The following SLC38A11 variants were observed in gnomAD, a reference collection of about 807,000 sequenced individuals.
SLC38A11 encodes putative sodium-coupled neutral amino acid transporter 11.
A neutral mutation model predicts 49.4 loss-of-function variants in SLC38A11; 51 were observed. That is an observed-to-expected ratio of 1.03 (90% CI 0.83 to 1.30). SLC38A11 has a LOEUF of 1.30. Among genes scored for constraint, SLC38A11 ranks in the 50% most tolerant of loss-of-function variants. The pLI is 0.00. For missense variants in SLC38A11, 574 were observed against 556.2 expected (o/e 1.03, Z -0.32); for synonymous variants, 203 against 192.9 (o/e 1.05, Z -0.43).
chr2:164,902,449 C>T (rs1248031079), intron 11 of SLC38A11, among the ~76,000 whole-genome samples: 1 of 152,090 alleles, frequency 6.6e-6, no homozygotes, highest in Non-Finnish European at 1.5e-5. Context: ...CAACTAAATG[C>T]AAGCTTTTCA....
chr2:164,930,461 A>C (rs541181428), intron 7 of SLC38A11, among the ~76,000 whole-genome samples: 2 of 152,040 alleles, frequency 1.3e-5, no homozygotes, highest in African/African-American at 2.4e-5. Context: ...CAAAAAAAAA[A>C]CTTCAGGCCA....
At chr2:164,899,556 G>A (rs1684522390) in intron 11 of SLC38A11, among the ~76,000 whole-genome samples, 1 of 151,946 alleles carries the variant, frequency 6.6e-6, no homozygotes, top group Admixed American at 6.6e-5. Flanking sequence ...TGCATTTTAG[G>A]TAATATGTTT....
intron 8 of SLC38A11, 51 bp from the exon 9 acceptor site, chr2:164,915,324 T>C: frequency 6.6e-7 from 1 of 1,513,260 alleles, no homozygotes; most frequent in Non-Finnish European, 8.9e-7. Flanking sequence ...AGGGTTTTCT[T>C]TTTTAGTTCT....
chr2:164,914,978 A>T, intron 9 of SLC38A11, 134 bp downstream of exon 9: 2 of 735,562 alleles, frequency 2.7e-6, no homozygotes, highest in Non-Finnish European at 4.0e-6. Context: ...GGGGGGCAGG[A>T]GGGTAGAGAG....
chr2:164,939,096 C>G (rs1687569472), intron 6 of SLC38A11, among the ~76,000 whole-genome samples: 1 of 152,044 alleles, frequency 6.6e-6, no homozygotes, highest in African/African-American at 2.4e-5. Flanking sequence ...ATTGTTACTT[C>G]TTAATTTTAA....
At chr2:164,954,991 G>C in intron 1 of SLC38A11, among the ~76,000 whole-genome samples, 1 of 151,498 alleles carries the variant, frequency 6.6e-6, no homozygotes. Flanking sequence ...GCTAAGTACA[G>C]GATCTGTTAG....
At chr2:164,940,950 A>G (rs898691476) in intron 5 of SLC38A11, among the ~76,000 whole-genome samples, 1 of 152,012 alleles carries the variant, frequency 6.6e-6, no homozygotes, top group African/African-American at 2.4e-5. Flanking sequence ...TATAATTTGA[A>G]CCAAATTATT....
chr2:164,938,614 A>C (rs1687536208), intron 6 of SLC38A11, among the ~76,000 whole-genome samples: 1 of 152,190 alleles, frequency 6.6e-6, no homozygotes, highest in African/African-American at 2.4e-5. Context: ...GATGACTATT[A>C]GGGATGGTCA....
chr2:164,951,295 A>C (rs1307103338), intron 3 of SLC38A11, among the ~76,000 whole-genome samples: 1 of 152,234 alleles, frequency 6.6e-6, no homozygotes, highest in African/African-American at 2.4e-5. Context: ...GGTGGAAATC[A>C]ATTATTTGTC....
intron 5 of SLC38A11, among the ~76,000 whole-genome samples, chr2:164,942,442 A>AC (rs1559125715): frequency 6.6e-6 from 1 of 151,454 alleles, no homozygotes; most frequent in African/African-American, 2.4e-5. Context: ...CAAAAAAAAA[A>AC]AAAAACAAAA....
At chr2:164,940,228 TTATATATATATATATA>T (rs5836006) in intron 5 of SLC38A11, among the ~76,000 whole-genome samples, 20 of 142,228 alleles carry the variant, frequency 1.4e-4, no homozygotes, top group African/African-American at 5.1e-4. Flanking sequence ...ATAGAAAATT[TTATATATATATATATA>T]TATATATATA....
intron 7 of SLC38A11, among the ~76,000 whole-genome samples, chr2:164,920,632 C>T (rs932936198): frequency 1.3e-5 from 2 of 152,000 alleles, no homozygotes; most frequent in East Asian, 1.9e-4. Flanking sequence ...GTAGAGGGAG[C>T]TCATGATGAG....
chr2:164,909,319 T>G (rs1685239193), intron 10 of SLC38A11, among the ~76,000 whole-genome samples: 1 of 152,106 alleles, frequency 6.6e-6, no homozygotes, highest in Admixed American at 6.6e-5. Flanking sequence ...TTTTCATGAC[T>G]ACTCAGATCA....
In SLC38A11 at chr2:164,945,620, C is replaced by A. The variant is rs762788789; in HGVS notation, c.337G>T (p.Val113Phe). The A allele has an allele frequency of 8.7e-6, 14 of 1,604,692 alleles. No individual in the cohort carries two copies. In the East Asian group the frequency reaches 9.0e-5, roughly 10 times the overall value. The change falls in exon 4 of 12, where the codon GTT becomes TTT. Residue 113 changes from valine to phenylalanine, a missense_variant. By Grantham distance (50) the Val-to-Phe change is conservative. Coordinates refer to ENST00000685975, the MANE Select transcript of SLC38A11 (RefSeq NM_001351537.2). ...ATAAAAGGATACAAAAACTGAAGAACAGAGAGGAGCAGATACCCTGGAAAG... is the reference window on the plus strand; with the variant it reads ...ATAAAAGGATACAAAAACTGAAGAAAAGAGAGGAGCAGATACCCTGGAAAG... ...FGFPGYLLLS[V>F]LQFLYPFIAM... is the part of the protein sequence containing the mutation.
Position 164,945,578 on chromosome 2 carries a change from TCA to T in SLC38A11, c.364+13_364+14del. 1 of 1,579,200 alleles carries T rather than the reference TCA, an allele frequency of 6.3e-7. No individual in the cohort carries two copies. The highest frequency in any genetic ancestry group is 8.5e-7 in the Non-Finnish European group (1 of 1,170,328). ...ATGCACATAATTGCAATATTTATCT[TCA>T]CAGTCAACTTACCTATAAAAGGATA... On this transcript the variant is annotated intron_variant, in intron 4 of 11. Transcript: ENST00000685975.
chr2:164,949,887 G>A (rs983923582), intron 3 of SLC38A11: 1 of 152,180 alleles, frequency 6.6e-6, no homozygotes, highest in Non-Finnish European at 1.5e-5. Context: ...AACTATGAAG[G>A]AATTTAAATG....
intron 7 of SLC38A11, among the ~76,000 whole-genome samples, chr2:164,933,415 CA>C (rs1559115779): frequency 6.6e-6 from 1 of 151,784 alleles, no homozygotes; most frequent in South Asian, 2.1e-4. Context: ...ACATAATTTC[CA>C]AAAAACCTGA....
intron 1 of SLC38A11, 42 bp from the exon 2 acceptor site, chr2:164,954,787 A>C: frequency 9.9e-7 from 1 of 1,006,174 alleles, no homozygotes. Flanking sequence ...ACTAGTTCAG[A>C]AAATTAGAAA....
rs5836006 is a variant in SLC38A11, at chr2:164,940,228, TTATATATATATA to T, written c.431-684_431-673del. 6.9e-3 allele frequency among the ~76,000 whole-genome samples: 987 copies of T among 142,144 alleles called. 10 individuals carry two copies. The highest frequency in any genetic ancestry group is 0.036 in the Middle Eastern group (10 of 278). 93.3% of individuals were successfully genotyped at this position (142,144 alleles called of 152,430 possible). On this transcript the variant is annotated intron_variant, in intron 5 of 11. Coordinates refer to ENST00000685975, the MANE Select transcript of SLC38A11 (RefSeq NM_001351537.2). ...TATGGTCAAATACAAATAGAAAATT[TTATATATATATA>T]TATATATATATATATATCACATATA...
Sources: gnomAD v4.1 joint callset for allele counts (sites outside exome capture counted in the v4.1 genomes callset) on GRCh38, gnomAD v4.1.1 for gene constraint, MANE v1.5 for transcripts, NCBI Gene and HGNC (gene_info 2026-07-23, HGNC 2026-07-21) for gene names.